ASAP1: variants seen among roughly 807,000 people sequenced by gnomAD.
ASAP1 encodes arf-GAP with SH3 domain, ANK repeat and PH domain-containing protein 1.
A neutral mutation model predicts 145.2 loss-of-function variants in ASAP1; 43 were observed. The ratio of observed to expected loss-of-function variants is 0.30; its 90% CI spans 0.23 to 0.38. The LOEUF (loss-of-function observed/expected upper bound fraction) is 0.38, where lower values mean the gene tolerates loss of function less well. Ranked by LOEUF, ASAP1 falls within the 10% of genes least tolerant of loss-of-function variation. The pLI, the probability that ASAP1 is intolerant of heterozygous loss-of-function variation, is 1.00. For synonymous variants in ASAP1, 546 were observed against 515.5 expected (o/e 1.06, Z -0.80); for missense variants, 1,018 against 1,355.3 (o/e 0.75, Z 3.91).
intron 16 of ASAP1, among the ~76,000 whole-genome samples, chr8:130,126,913 C>A (rs976462635): frequency 2.0e-5 from 3 of 152,140 alleles, no homozygotes; most frequent in African/African-American, 7.2e-5. Context: ...AGCTGTGTGA[C>A]CTTATGCAAG....
At chr8:130,247,127 T>A (rs1818898978) in intron 3 of ASAP1, 1 of 152,228 alleles carries the variant, frequency 6.6e-6, no homozygotes, top group East Asian at 1.9e-4. Context: ...AGTCACTCTC[T>A]CTGATACTAA....
At chr8:130,071,046 G>GAGAGAGAGAA (rs2097445262) in intron 27 of ASAP1, among the ~76,000 whole-genome samples, 2 of 127,808 alleles carry the variant, frequency 1.6e-5, no homozygotes, top group African/African-American at 3.1e-5. Context: ...GAGAGAGAGA[G>GAGAGAGAGAA]AAAGCAGAGT....
At chr8:130,305,137 T>TACCA (rs1822914519) in intron 3 of ASAP1, among the ~76,000 whole-genome samples, 1 of 152,218 alleles carries the variant, frequency 6.6e-6, no homozygotes, top group African/African-American at 2.4e-5. Context: ...CCCCTCCTGC[T>TACCA]ACCACACTGC....
At chr8:130,284,791 A>C (rs1465886230) in intron 3 of ASAP1, among the ~76,000 whole-genome samples, 2 of 151,754 alleles carry the variant, frequency 1.3e-5, no homozygotes, top group Non-Finnish European at 2.9e-5. Flanking sequence ...CCCCCATAAG[A>C]ATACTGGATC....
intron 9 of ASAP1, among the ~76,000 whole-genome samples, chr8:130,178,191 C>A (rs150823825): frequency 6.6e-6 from 1 of 152,168 alleles, no homozygotes; most frequent in Non-Finnish European, 1.5e-5. Flanking sequence ...TTATCTAGTC[C>A]AAACGACCTT....
chr8:130,427,317 C>T (rs894212002), intron 1 of ASAP1, among the ~76,000 whole-genome samples: 6 of 152,218 alleles, frequency 3.9e-5, no homozygotes, highest in African/African-American at 1.4e-4. Context: ...CCCAGGGACT[C>T]AGCTCCTCTT....
chr8:130,066,469 C>A (rs2097430878), intron 27 of ASAP1, among the ~76,000 whole-genome samples: 1 of 152,168 alleles, frequency 6.6e-6, no homozygotes, highest in Non-Finnish European at 1.5e-5. Context: ...CTTCAGCCTC[C>A]CAAAGTGCTA....
At chr8:130,324,055 C>A (rs190873668) in intron 3 of ASAP1, among the ~76,000 whole-genome samples, 6 of 152,328 alleles carry the variant, frequency 3.9e-5, no homozygotes, top group Admixed American at 3.3e-4. Flanking sequence ...TCCTTCCCTG[C>A]CAGCTCTGTT....
chr8:130,099,019 T>TTTTC (rs578139194), intron 24 of ASAP1, among the ~76,000 whole-genome samples: 45 of 149,194 alleles, frequency 3.0e-4, no homozygotes, highest in Non-Finnish European at 4.8e-4. Flanking sequence ...AAGCTTTTTT[T>TTTTC]TTTTTTTTTT....
At chr8:130,278,190 G>GT (rs1821035911) in intron 3 of ASAP1, among the ~76,000 whole-genome samples, 1 of 152,100 alleles carries the variant, frequency 6.6e-6, no homozygotes, top group Non-Finnish European at 1.5e-5. Flanking sequence ...AATGAGCAAT[G>GT]TAAACACTTA....
chr8:130,093,235 G>C (rs981802984), intron 24 of ASAP1, among the ~76,000 whole-genome samples: 1 of 152,130 alleles, frequency 6.6e-6, no homozygotes, highest in Admixed American at 6.5e-5. Flanking sequence ...TTTGATCTTA[G>C]TTTTGTTTAT....
chr8:130,427,436 G>T (rs1253131562), intron 1 of ASAP1, among the ~76,000 whole-genome samples: 1 of 152,164 alleles, frequency 6.6e-6, no homozygotes, highest in Non-Finnish European at 1.5e-5. Flanking sequence ...AGCCCTTGCC[G>T]AGAATCCCAC....
chr8:130,403,647 G>A (rs1406524354), intron 1 of ASAP1, among the ~76,000 whole-genome samples: 1 of 149,810 alleles, frequency 6.7e-6, no homozygotes, highest in Non-Finnish European at 1.5e-5. Context: ...CCACCTCCTG[G>A]GTTCAATTGA....
At chr8:130,407,290 C>T (rs1168292499) in intron 1 of ASAP1, among the ~76,000 whole-genome samples, 1 of 152,138 alleles carries the variant, frequency 6.6e-6, no homozygotes, top group East Asian at 1.9e-4. Context: ...GAGCACATCT[C>T]AGAATTGCCC....
chr8:130,362,979 G>C (rs1826787229), intron 2 of ASAP1, among the ~76,000 whole-genome samples: 1 of 152,190 alleles, frequency 6.6e-6, no homozygotes, highest in African/African-American at 2.4e-5. Context: ...ATTATGGGCT[G>C]ATTCTCACAT....
intron 5 of ASAP1, among the ~76,000 whole-genome samples, chr8:130,211,364 C>T (rs892902837): frequency 6.6e-6 from 1 of 152,138 alleles, no homozygotes; most frequent in African/African-American, 2.4e-5. Flanking sequence ...GTAGGTAGCC[C>T]TTGGGAGTTT....
chr8:130,141,297 G>A lies in ASAP1; in HGVS notation c.1081-4259C>T, dbSNP rs144889481. On this transcript the variant is annotated intron_variant, in intron 13 of 29. Transcript: ENST00000518721. ...AGGCACCAATCGCAGGCCCCTTCTCGCACTCAGCTCCTGTCACTCTGAGTT... is the reference window on the plus strand; with the variant it reads ...AGGCACCAATCGCAGGCCCCTTCTCACACTCAGCTCCTGTCACTCTGAGTT... 6.5e-3 allele frequency among the ~76,000 whole-genome samples: 993 copies of A among 152,164 alleles called. 10 individuals are homozygous for A. Among genetic ancestry groups the A allele is most frequent in the African/African-American group, 0.023 (954 of 41,502 alleles).
At chr8:130,139,430 A>G (rs1475777947) in intron 13 of ASAP1, among the ~76,000 whole-genome samples, 2 of 152,184 alleles carry the variant, frequency 1.3e-5, no homozygotes, top group Non-Finnish European at 2.9e-5. Flanking sequence ...GAAAAATTTA[A>G]TAATTTTTAA....
chr8:130,294,266 T>A (rs1393505419), intron 3 of ASAP1, among the ~76,000 whole-genome samples: 2 of 152,230 alleles, frequency 1.3e-5, no homozygotes, highest in Non-Finnish European at 2.9e-5. Flanking sequence ...CTTTCGAGGT[T>A]ACTTACATGA....
Sources: gnomAD v4.1 joint callset for allele counts (sites outside exome capture counted in the v4.1 genomes callset) on GRCh38, gnomAD v4.1.1 for gene constraint, MANE v1.5 for transcripts, NCBI Gene and HGNC (gene_info 2026-07-23, HGNC 2026-07-21) for gene names.